The following ANKRD33B variants were observed in gnomAD, a reference collection of about 807,000 sequenced individuals.
ANKRD33B encodes the protein ankyrin repeat domain 33B.
ANKRD33B carries 6 observed loss-of-function variants against 21.5 expected under a neutral mutation model. The ratio of observed to expected loss-of-function variants is 0.28; its 90% CI spans 0.15 to 0.55. The LOEUF is 0.55. Ranked by LOEUF, ANKRD33B falls within the 20% of genes least tolerant of loss-of-function variation. ANKRD33B has a pLI of 0.94. For missense variants in ANKRD33B, 698 were observed against 747.2 expected (o/e 0.93, Z 0.77); for synonymous variants, 347 against 342.4 (o/e 1.01, Z -0.15).
In ANKRD33B at chr5:10,619,434, T is replaced by C; in HGVS notation, c.496+972T>C. 1 of 961,202 alleles carries C rather than the reference T, an allele frequency of 1.0e-6. No individual in the cohort carries two copies. Among genetic ancestry groups the C allele is most frequent in the East Asian group, 1.1e-4 (1 of 8,698 alleles). 59.5% of individuals were successfully genotyped at this position (961,202 alleles called of 1,614,324 possible). ...TGCTGTCACCAAAAGGAGACCTCCT[T>C]GTCCCTTGTTGCTTCACAAGCTCCT... On this transcript the variant is annotated intron_variant, in intron 2 of 3. Transcript: ENST00000296657. This position sits in a 1 kb window ranked among gnomAD's most constrained non-coding sequence, Gnocchi z 4.5.
intron 1 of ANKRD33B, among the ~76,000 whole-genome samples, chr5:10,604,553 C>T (rs1304220727): frequency 2.0e-5 from 3 of 151,144 alleles, no homozygotes; most frequent in African/African-American, 4.9e-5. Context: ...ATAGCACTCT[C>T]CTGGTGTCTT....
rs529368015 is a variant in ANKRD33B, at chr5:10,648,223, G to T, written c.638-1043G>T. ...AAAAGCCCACCATCGGTTAAAGGTAGACAGACCCCAGCCAGCTAGGCCGCA... is the reference window on the plus strand; with the variant it reads ...AAAAGCCCACCATCGGTTAAAGGTATACAGACCCCAGCCAGCTAGGCCGCA... On this transcript the variant is annotated intron_variant, in intron 3 of 3. Transcript: ENST00000296657. 2.6e-5 allele frequency among the ~76,000 whole-genome samples: 4 copies of T among 152,326 alleles called. No homozygotes were observed. In the East Asian group the frequency reaches 5.8e-4, roughly 22 times the overall value.
chr5:10,590,122 CTCATTTG>C (rs1735649372), intron 1 of ANKRD33B, among the ~76,000 whole-genome samples: 1 of 151,956 alleles, frequency 6.6e-6, no homozygotes. Flanking sequence ...AATAAAGTTC[CTCATTTG>C]TCATTATTTG....
Position 10,603,988 on chromosome 5 carries a change from G to A in ANKRD33B, c.367-14345G>A, listed in dbSNP as rs1735986333. ...CGGCTCACTATAACCTCTGCCTCCT[G>A]GGTTCAAGCGATTCTCCTGCCTCAG... is the stretch of plus-strand genomic sequence containing the variant. On this transcript the variant is annotated intron_variant, in intron 1 of 3. Transcript: ENST00000296657. 2.0e-5 allele frequency among the ~76,000 whole-genome samples: 3 copies of A among 150,048 alleles called. No homozygotes were observed. In the South Asian group the frequency reaches 6.3e-4, roughly 32 times the overall value.
At position 10,650,177 on chromosome 5, in the gene ANKRD33B, G is replaced by A. The variant is rs1254557819; in HGVS notation, c.*64G>A. The A allele has an allele frequency of 2.9e-5, 41 of 1,390,562 alleles. 1 individual carries two copies. In the South Asian group the frequency reaches 4.1e-4, roughly 14 times the overall value. 86.1% of individuals were successfully genotyped at this position (1,390,562 alleles called of 1,614,324 possible). A position where few individuals can be genotyped will look rare whatever the true frequency, so the allele number is the denominator to read the frequency against. On this transcript the variant is annotated 3_prime_UTR_variant, in exon 4 of 4. Coordinates refer to ENST00000296657, the MANE Select transcript of ANKRD33B (RefSeq NM_001164440.2). ...GGGGCGGGGCCGCAGGGCTGGGCGC[G>A]GAGAAGGAGGCGGCCCCGTTGCGCA...
At position 10,619,844 on chromosome 5, in the gene ANKRD33B, A is replaced by G. The variant is rs575940662; in HGVS notation, c.496+1382A>G. 6.6e-6 allele frequency among the ~76,000 whole-genome samples: 1 copy of G among 152,314 alleles called. No homozygotes were observed. Among genetic ancestry groups the G allele is most frequent in the East Asian group, 1.9e-4 (1 of 5,178 alleles). ...TAATTCTGCAGCTCATGGGACAGAGAAACACACGAAGCCCAGCACCATCTG... is the reference window on the plus strand; with the variant it reads ...TAATTCTGCAGCTCATGGGACAGAGGAACACACGAAGCCCAGCACCATCTG... On this transcript the variant is annotated intron_variant, in intron 2 of 3. Transcript: ENST00000296657. This position sits in a 1 kb window ranked among gnomAD's most constrained non-coding sequence, Gnocchi z 4.5.
chr5:10,614,478 C>T (rs924821153), intron 1 of ANKRD33B, among the ~76,000 whole-genome samples: 1 of 152,184 alleles, frequency 6.6e-6, no homozygotes, highest in Admixed American at 6.5e-5. Context: ...ACTGTCTTGC[C>T]CAGGCTGGTC....
chr5:10,574,863 T>TGAGGTCAA lies in ANKRD33B; in HGVS notation c.366+10030_366+10031insGAGGTCAA, dbSNP rs1347948780. Among the ~76,000 whole-genome samples the TGAGGTCAA allele has an allele frequency of 4.1e-3, 48 of 11,814 alleles. 2 individuals are homozygous for TGAGGTCAA. The highest frequency in any genetic ancestry group is 9.1e-3 in the Non-Finnish European group (19 of 2,086). 7.8% of individuals were successfully genotyped at this position (11,814 alleles called of 152,430 possible). On this transcript the variant is annotated intron_variant, in intron 1 of 3. Transcript: ENST00000296657. ...GGGAGGCTGAAGCGGGAGAGCTGCT[T>TGAGGTCAA]AAGGCCAGGTGCTCAAGACCAGCGT...
chr5:10,592,453 A>T (rs1434420877), intron 1 of ANKRD33B, among the ~76,000 whole-genome samples: 2 of 47,860 alleles, frequency 4.2e-5, no homozygotes, highest in Non-Finnish European at 6.5e-5. Flanking sequence ...TCTCTACTAA[A>T]AAAAAAAAAA....
At chr5:10,590,636 AGT>A (rs1735664720) in intron 1 of ANKRD33B, among the ~76,000 whole-genome samples, 1 of 151,974 alleles carries the variant, frequency 6.6e-6, no homozygotes, top group South Asian at 2.1e-4. Flanking sequence ...GTTTTCAGCC[AGT>A]GTTAGTGTTA....
intron 1 of ANKRD33B, among the ~76,000 whole-genome samples, chr5:10,580,592 C>T (rs1735423334): frequency 6.6e-6 from 1 of 152,166 alleles, no homozygotes; most frequent in African/African-American, 2.4e-5. Flanking sequence ...TGGATCTTGT[C>T]TGTTCTCTCT....
chr5:10,606,719 C>G (rs10079378), intron 1 of ANKRD33B, among the ~76,000 whole-genome samples: 2,148 of 150,690 alleles, frequency 0.014, 39 homozygotes, highest in African/African-American at 0.05. Context: ...GGCGACAGAG[C>G]AAGACTCTGT....
chr5:10,587,325 T>C (rs1735587762), intron 1 of ANKRD33B, among the ~76,000 whole-genome samples: 1 of 152,172 alleles, frequency 6.6e-6, no homozygotes. Flanking sequence ...TGTCTTGAAC[T>C]CCTGACCTCA....
intron 1 of ANKRD33B, among the ~76,000 whole-genome samples, chr5:10,583,735 G>T (rs141816576): frequency 6.6e-6 from 1 of 152,196 alleles, no homozygotes; most frequent in Admixed American, 6.5e-5. Flanking sequence ...ATGTACTTTG[G>T]TAGGAAAATT....
Position 10,650,007 on chromosome 5 carries a change from ACAAGGAGGC to A in ANKRD33B, c.1388_1396del (p.Ala463_Glu465del), listed in dbSNP as rs762884800. The stretch of plus-strand genomic sequence containing the variant: ...CACCTGCAGATCCCCAAGTGGCGGT[ACAAGGAGGC>A]CAAGGAGGAGAAGAGGAAGGCAGAG... On this transcript the variant is annotated inframe_deletion, in exon 4 of 4. Transcript: ENST00000296657. 3 of 1,533,344 alleles carry A rather than the reference ACAAGGAGGC, an allele frequency of 2.0e-6. No homozygotes were observed. Among genetic ancestry groups the A allele is most frequent in the African/African-American group, 1.4e-5 (1 of 72,740 alleles). The allele number at this position is 1,533,344 out of a possible 1,614,324, so 95.0% of individuals were successfully genotyped here. A position where few individuals can be genotyped will look rare whatever the true frequency, so the allele number is the denominator to read the frequency against.
intron 1 of ANKRD33B, among the ~76,000 whole-genome samples, chr5:10,587,547 A>T: frequency 6.6e-6 from 1 of 150,528 alleles, no homozygotes; most frequent in African/African-American, 2.5e-5. Context: ...CTTCTGATAC[A>T]ATTTTTTTTT....
At chr5:10,617,183 CTTAA>C (rs1216383412) in intron 1 of ANKRD33B, among the ~76,000 whole-genome samples, 1 of 152,106 alleles carries the variant, frequency 6.6e-6, no homozygotes, top group Non-Finnish European at 1.5e-5. Context: ...TTTGGTAATA[CTTAA>C]TTAATAGATC....
chr5:10,639,628 C>G (rs1408386441), intron 3 of ANKRD33B, among the ~76,000 whole-genome samples: 3 of 46,278 alleles, frequency 6.5e-5, no homozygotes, highest in Admixed American at 1.9e-4. Flanking sequence ...GCGATGTTAG[C>G]GGGTGACGCG....
At position 10,649,380 on chromosome 5, in the gene ANKRD33B, G is replaced by C; in HGVS notation, c.752G>C (p.Cys251Ser). Residue 251 changes from cysteine (C) to serine (S), a missense_variant, in exon 4 of 4, where the codon TGC (cysteine) becomes TCC (serine). By Grantham distance (112) the Cys-to-Ser change is moderately radical (BLOSUM62 -1). Coordinates refer to ENST00000296657, the MANE Select transcript of ANKRD33B (RefSeq NM_001164440.2). ...RLMQRLLERP[C>S]PEQFWEKYRP... ...ATGCAGAGGCTGCTGGAGCGCCCCTGCCCGGAGCAGTTCTGGGAGAAGTAC... is the reference window on the plus strand; with the variant it reads ...ATGCAGAGGCTGCTGGAGCGCCCCTCCCCGGAGCAGTTCTGGGAGAAGTAC... The C allele has an allele frequency of 6.5e-7, 1 of 1,535,494 alleles. No homozygotes were observed. Among genetic ancestry groups the C allele is most frequent in the Non-Finnish European group, 8.7e-7 (1 of 1,146,710 alleles).
Sources: gnomAD v4.1 joint callset for allele counts (sites outside exome capture counted in the v4.1 genomes callset) on GRCh38, gnomAD v4.1.1 for gene constraint, Gnocchi (gnomAD v3.1) non-coding constraint, MANE v1.5 for transcripts, NCBI Gene and HGNC (gene_info 2026-07-23, HGNC 2026-07-21) for gene names.